Variants in RNF144A observed in about 807,000 individuals in gnomAD.
The protein encoded by RNF144A is ring finger protein 144A.
Under a neutral mutation model 38.7 loss-of-function variants are expected in RNF144A, and 11 were observed. That is an observed-to-expected ratio of 0.28 (90% CI 0.18 to 0.47). The LOEUF (loss-of-function observed/expected upper bound fraction) is 0.47, where lower values mean the gene tolerates loss of function less well. RNF144A is among the 20% of genes least tolerant of loss of function. RNF144A has a pLI of 0.99. For synonymous variants in RNF144A, 149 were observed against 143.9 expected (o/e 1.04, Z -0.25); for missense variants, 316 against 377.2 (o/e 0.84, Z 1.34).
At chr2:6,973,442 C>T (rs771715313) in intron 2 of RNF144A, among the ~76,000 whole-genome samples, 3 of 152,182 alleles carry the variant, frequency 2.0e-5, no homozygotes, top group East Asian at 1.9e-4. Context: ...CCATCAAACA[C>T]GCAGATTAAA....
chr2:6,946,823 A>G (rs928653062), intron 2 of RNF144A, among the ~76,000 whole-genome samples: 2 of 152,210 alleles, frequency 1.3e-5, no homozygotes, highest in Non-Finnish European at 2.9e-5. Context: ...ATAAAGTCTT[A>G]GTATAGTCTC....
chr2:7,016,104 T>TA (rs35418947), intron 5 of RNF144A, among the ~76,000 whole-genome samples: 60,692 of 114,768 alleles, frequency 0.53, 15,068 homozygotes, highest in East Asian at 0.75. Flanking sequence ...ACCCCGTCTC[T>TA]AAAAAAAAAA....
intron 2 of RNF144A, among the ~76,000 whole-genome samples, chr2:6,967,795 A>G (rs928528831): frequency 2.6e-5 from 4 of 152,190 alleles, no homozygotes; most frequent in Admixed American, 6.5e-5. Flanking sequence ...CCAAATTAAG[A>G]TACTTCCATA....
intron 8 of RNF144A, among the ~76,000 whole-genome samples, chr2:7,038,832 GA>G (rs1672853754): frequency 6.6e-6 from 1 of 151,692 alleles, no homozygotes; most frequent in African/African-American, 2.4e-5. Context: ...ATAGGTGGAT[GA>G]ATAAAGAGAT....
At chr2:6,983,584 G>T (rs184881339) in intron 2 of RNF144A, among the ~76,000 whole-genome samples, 2 of 152,276 alleles carry the variant, frequency 1.3e-5, no homozygotes, top group Admixed American at 1.3e-4. Context: ...GATGCAGGTG[G>T]CTACAGTCCA....
intron 6 of RNF144A, among the ~76,000 whole-genome samples, chr2:7,057,983 G>T (rs1673803459): frequency 6.6e-6 from 1 of 151,860 alleles, no homozygotes; most frequent in Admixed American, 6.6e-5. Flanking sequence ...GAGTAGAAGT[G>T]AAGAAGTTAA....
chr2:7,056,587 T>G (rs1673747881), intron 6 of RNF144A, among the ~76,000 whole-genome samples: 1 of 152,202 alleles, frequency 6.6e-6, no homozygotes, highest in Non-Finnish European at 1.5e-5. Flanking sequence ...GTCATTCCAG[T>G]TATGGTTCCT....
chr2:6,942,074 G>C (rs565361689), intron 2 of RNF144A, among the ~76,000 whole-genome samples: 3 of 152,380 alleles, frequency 2.0e-5, no homozygotes, highest in Admixed American at 2.0e-4. Context: ...GTAGAAGGTG[G>C]AGGAAAGGGT....
chr2:7,044,185 C>T, downstream of RNF144A: 1 of 985,508 alleles, frequency 1.0e-6, no homozygotes, highest in Non-Finnish European at 1.2e-6. Context: ...GTAAACCCCG[C>T]GTGGCTCCGT....
chr2:6,961,818 G>C (rs1171592163), intron 2 of RNF144A, among the ~76,000 whole-genome samples: 2 of 152,186 alleles, frequency 1.3e-5, no homozygotes, highest in Non-Finnish European at 2.9e-5. Flanking sequence ...GAAATGCTGT[G>C]TTTTCTTGGA....
At chr2:6,980,107 C>T (rs1668539955) in intron 2 of RNF144A, among the ~76,000 whole-genome samples, 1 of 152,312 alleles carries the variant, frequency 6.6e-6, no homozygotes, top group East Asian at 1.9e-4. Context: ...CCAGTCACCT[C>T]CTACTGGGTC....
At chr2:6,990,454 A>T (rs927787637) in intron 2 of RNF144A, among the ~76,000 whole-genome samples, 2 of 126,272 alleles carry the variant, frequency 1.6e-5, no homozygotes, top group African/African-American at 6.2e-5. Flanking sequence ...ATATATATAT[A>T]ATATATAATA....
At chr2:6,996,833 G>C in intron 2 of RNF144A, 83 bp from the exon 3 acceptor site, 4 of 1,435,980 alleles carry the variant, frequency 2.8e-6, no homozygotes, top group South Asian at 2.5e-5. Flanking sequence ...CTGGGTCCCA[G>C]CTACAGCCAG....
intron 2 of RNF144A, among the ~76,000 whole-genome samples, chr2:6,949,591 C>T (rs751402298): frequency 6.6e-6 from 1 of 152,130 alleles, no homozygotes. Context: ...TCTTTAGCAC[C>T]GAGCTGAGTC....
chr2:7,020,876 C>T, intron 6 of RNF144A, 196 bp downstream of exon 6: 1 of 594,928 alleles, frequency 1.7e-6, no homozygotes, highest in South Asian at 2.0e-5. Context: ...TGACTATGTA[C>T]CAGGCACTGT....
rs1034039543 is a variant in RNF144A, at chr2:7,040,663, G to A, written c.*903G>A. The A allele has an allele frequency of 2.4e-5, 24 of 985,324 alleles. No homozygotes were observed. Among genetic ancestry groups the A allele is most frequent in the African/African-American group, 1.2e-4 (7 of 57,218 alleles). 61.0% of individuals were successfully genotyped at this position (985,324 alleles called of 1,614,324 possible). ...AATGGTTCTCCTCCGAATTGCTGCC[G>A]TCTGGCCTCTGGCCTCAGTCTTCAG... is the stretch of plus-strand genomic sequence containing the variant. On this transcript the variant is annotated 3_prime_UTR_variant, in exon 9 of 9. Transcript: ENST00000320892.
chr2:7,019,414 C>T (rs1355014036), intron 5 of RNF144A, among the ~76,000 whole-genome samples: 1 of 152,204 alleles, frequency 6.6e-6, no homozygotes, highest in African/African-American at 2.4e-5. Context: ...CACAGGCGAG[C>T]GGGAGCTGCC....
At chr2:7,066,322 C>T (rs1344501412) in intron 6 of RNF144A, among the ~76,000 whole-genome samples, 4 of 152,064 alleles carry the variant, frequency 2.6e-5, no homozygotes, top group Non-Finnish European at 5.9e-5. Context: ...CTCCTGACCT[C>T]GTGATCTGCC....
chr2:6,985,601 AACTCGAGCC>A (rs1230405905), intron 2 of RNF144A, among the ~76,000 whole-genome samples: 2 of 152,196 alleles, frequency 1.3e-5, no homozygotes, highest in Non-Finnish European at 2.9e-5. Context: ...GACGGAATAC[AACTCGAGCC>A]ACACGTGTAG....
Sources: gnomAD v4.1 joint callset for allele counts (sites outside exome capture counted in the v4.1 genomes callset) on GRCh38, gnomAD v4.1.1 for gene constraint, MANE v1.5 for transcripts, NCBI Gene and HGNC (gene_info 2026-07-23, HGNC 2026-07-21) for gene names.